The following CEACAM1 variants were observed in gnomAD, a reference collection of about 807,000 sequenced individuals.
The protein encoded by CEACAM1 is cell adhesion molecule CEACAM1.
A neutral mutation model predicts 49.1 loss-of-function variants in CEACAM1; 31 were observed. The observed-to-expected ratio is 0.63, with a 90% CI of 0.47 to 0.85. CEACAM1 has a LOEUF of 0.85. CEACAM1 is among the 40% of genes least tolerant of loss of function. The pLI is 0.00. For missense variants in CEACAM1, 570 were observed against 645.3 expected (o/e 0.88, Z 1.26); for synonymous variants, 244 against 247.8 (o/e 0.98, Z 0.14).
intron 2 of CEACAM1, among the ~76,000 whole-genome samples, chr19:42,524,733 C>G (rs28425201): frequency 0.091 from 13,873 of 152,092 alleles, 2,107 homozygotes; most frequent in African/African-American, 0.31. Flanking sequence ...CATGGAGGAG[C>G]AGAGAGAGTC....
intron 2 of CEACAM1, among the ~76,000 whole-genome samples, chr19:42,524,732 G>A (rs892835428): frequency 3.3e-5 from 5 of 152,178 alleles, no homozygotes; most frequent in Admixed American, 6.5e-5. Context: ...ACATGGAGGA[G>A]CAGAGAGAGT....
In CEACAM1 at chr19:42,510,879, C is replaced by G. The variant is rs749172222; in HGVS notation, c.1461+10G>C. The stretch of plus-strand genomic sequence containing the variant: ...GAGAAAATAAGCCCATGAAAACCGG[C>G]TATGCTTACCTTGTTAGGTGGGTCA... On this transcript the variant is annotated intron_variant, in intron 8 of 8. Coordinates refer to ENST00000161559, the MANE Select transcript of CEACAM1 (RefSeq NM_001712.5). 6.2e-7 allele frequency: 1 copy of G among 1,611,784 alleles called. No individual in the cohort carries two copies. Among genetic ancestry groups the G allele is most frequent in the South Asian group, 1.1e-5 (1 of 91,030 alleles).
rs1286543337 is a variant in CEACAM1 at position 42,509,148 on chromosome 19, T to C, written c.1542A>G (p.Thr514=). 6.2e-7 allele frequency: 1 copy of C among 1,614,206 alleles called. No individual in the cohort carries two copies. Among genetic ancestry groups the C allele is most frequent in the Admixed American group, 1.7e-5 (1 of 60,028 alleles). Residue 514 remains threonine (T), a synonymous_variant, in exon 9 of 9, where the codon ACA becomes ACG. Coordinates refer to ENST00000161559, the MANE Select transcript of CEACAM1 (RefSeq NM_001712.5). ...CTTCTGAATAAATTATTTCTGTGGC[T>C]GTTAGGGATGGGGAGGCTGAAGTTG... ...TQPTSASPSL[T]ATEIIYSEVK... is the part of the protein sequence containing the mutation.
In CEACAM1 at chr19:42,509,250, C is replaced by A. The variant is rs752735548; in HGVS notation, c.1462-22G>T. ...TCATCTGAAAAGCACAAATAATGAT[C>A]AGTTAAGTCAGTGACACAGGGCAGG... On this transcript the variant is annotated intron_variant, in intron 8 of 8. Coordinates refer to ENST00000161559, the MANE Select transcript of CEACAM1 (RefSeq NM_001712.5). 6 of 1,588,502 alleles carry A rather than the reference C, an allele frequency of 3.8e-6. No individual in the cohort carries two copies. The South Asian group carries it at 5.9e-5, about 16-fold the overall frequency.
intron 7 of CEACAM1, 86 bp from the exon 8 acceptor site, chr19:42,511,006 G>T: frequency 7.8e-7 from 1 of 1,275,146 alleles, no homozygotes; most frequent in Non-Finnish European, 1.1e-6. Flanking sequence ...GGCAGTTGGA[G>T]GGTGGGGAGT....
intron 5 of CEACAM1, chr19:42,515,212 G>A: frequency 2.0e-6 from 1 of 507,652 alleles, no homozygotes; most frequent in East Asian, 3.3e-5. Flanking sequence ...GCAGTGAGCT[G>A]TGTTTGCACC....
intron 2 of CEACAM1, among the ~76,000 whole-genome samples, chr19:42,524,085 G>T (rs550977999): frequency 6.6e-6 from 1 of 152,336 alleles, no homozygotes; most frequent in East Asian, 1.9e-4. Flanking sequence ...CATGTGAAAT[G>T]CTTTCTTCCT....
In CEACAM1 at chr19:42,510,876, C is replaced by T. The variant is rs769784160; in HGVS notation, c.1461+13G>A. 1.4e-5 allele frequency: 23 copies of T among 1,609,534 alleles called. No homozygotes were observed. Among genetic ancestry groups the T allele is most frequent in the East Asian group, 8.9e-5 (4 of 44,870 alleles). On this transcript the variant is annotated intron_variant, in intron 8 of 8. Transcript: ENST00000161559. ...CATGAGAAAATAAGCCCATGAAAACCGGCTATGCTTACCTTGTTAGGTGGG... is the reference window on the plus strand; with the variant it reads ...CATGAGAAAATAAGCCCATGAAAACTGGCTATGCTTACCTTGTTAGGTGGG...
intron 4 of CEACAM1, chr19:42,520,546 T>C (rs1159839399): frequency 1.3e-5 from 2 of 152,218 alleles, no homozygotes; most frequent in African/African-American, 2.4e-5. Flanking sequence ...TTTTTTGTAT[T>C]TTTAGTAGAG....
intron 2 of CEACAM1, 54 bp from the exon 3 acceptor site, chr19:42,522,256 C>T (rs1395354973): frequency 1.3e-6 from 2 of 1,584,122 alleles, no homozygotes; most frequent in Non-Finnish European, 1.7e-6. Context: ...GATTCCTCCA[C>T]AGGCATTTTT....
At position 42,512,363 on chromosome 19, in the gene CEACAM1, C is replaced by A; in HGVS notation, c.1363G>T (p.Gly455Trp). 1 of 1,614,014 alleles carries A rather than the reference C, an allele frequency of 6.2e-7. No homozygotes were observed. ...AGGCCATCATACCTGCCGGTCTTCC[C>A]GAAATGCAGAAAACATGCCAGGGCT... ...AVALACFLHF[G>W]KTGRASDQRD... The change falls in exon 6 of 9, where the codon GGG (glycine) becomes TGG (tryptophan). Residue 455 changes from glycine (G) to tryptophan (W), a missense_variant. Gly to Trp is a radical substitution (Grantham distance 184). Transcript: ENST00000161559.
chr19:42,526,441 C>T (rs960887908), intron 2 of CEACAM1, among the ~76,000 whole-genome samples: 3 of 152,180 alleles, frequency 2.0e-5, no homozygotes, highest in Non-Finnish European at 4.4e-5. Flanking sequence ...TCTGTCCTCT[C>T]CAGGCTGAGA....
In CEACAM1 at chr19:42,521,816, G is replaced by T. The variant is rs922087651; in HGVS notation, c.703+108C>A. The T allele has an allele frequency of 1.9e-6, 3 of 1,591,830 alleles. No homozygotes were observed. In the African/African-American group the frequency reaches 4.0e-5, roughly 21 times the overall value. On this transcript the variant is annotated intron_variant, in intron 3 of 8. Transcript: ENST00000161559. ...AAGTCATGGCCAGCCTGGGTGTCCA[G>T]GGTTAAGGGTCTGCGTCCTTAGACC...
rs932415659 is a variant in CEACAM1, at chr19:42,508,989, G to A, written c.*120C>T. The A allele has an allele frequency of 5.9e-6, 7 of 1,178,730 alleles. No homozygotes were observed. The highest frequency in any genetic ancestry group is 8.6e-6 in the Non-Finnish European group (7 of 817,528). 73.0% of individuals were successfully genotyped at this position (1,178,730 alleles called of 1,614,324 possible). Reference sequence around the variant, plus strand: ...CCTGGAGATGCCTATTAGGAAGGAAGAGTAGGAGAAAGTTGTTTCTGTCCC... The same window carrying A: ...CCTGGAGATGCCTATTAGGAAGGAAAAGTAGGAGAAAGTTGTTTCTGTCCC... On this transcript the variant is annotated 3_prime_UTR_variant, in exon 9 of 9. Transcript: ENST00000161559.
intron 2 of CEACAM1, among the ~76,000 whole-genome samples, chr19:42,526,770 C>T (rs529756270): frequency 1.3e-5 from 2 of 152,204 alleles, no homozygotes; most frequent in South Asian, 2.1e-4. Flanking sequence ...AGGAGGGTCC[C>T]GGGGGGCTAG....
intron 2 of CEACAM1, among the ~76,000 whole-genome samples, chr19:42,523,173 C>T (rs977121118): frequency 2.0e-5 from 3 of 152,208 alleles, no homozygotes; most frequent in Admixed American, 6.5e-5. Context: ...CTTTGCCCCA[C>T]TAGGTGTGTT....
At position 42,518,746 on chromosome 19, in the gene CEACAM1, C is replaced by T. The variant is rs558802363; in HGVS notation, c.1246+202G>A. ...CGATCTCCTGCCCTCGTGATCCGCC[C>T]GCCTTGGCCTCCCAAACTGCTGGGA... is the stretch of plus-strand genomic sequence containing the variant. On this transcript the variant is annotated intron_variant, in intron 5 of 8. Transcript: ENST00000161559. 884 of 609,802 alleles carry T rather than the reference C, an allele frequency of 1.4e-3. 8 individuals carry two copies. Among genetic ancestry groups the T allele is most frequent in the African/African-American group, 0.014 (785 of 54,178 alleles). The allele number at this position is 609,802 out of a possible 1,614,324, so 37.8% of individuals were successfully genotyped here.
chr19:42,527,426 C>T (rs749419988), intron 1 of CEACAM1, 26 bp from the exon 2 acceptor site: 80 of 1,565,454 alleles, frequency 5.1e-5, no homozygotes, highest in Non-Finnish European at 6.6e-5. Flanking sequence ...GAGCATCAGT[C>T]AATATTGGGA....
At chr19:42,521,827 C>T in intron 3 of CEACAM1, 97 bp downstream of exon 3, 1 of 1,600,836 alleles carries the variant, frequency 6.2e-7, no homozygotes, top group Non-Finnish European at 8.5e-7. Flanking sequence ...GGTTAAGGGT[C>T]TGCGTCCTTA....
Sources: gnomAD v4.1 joint callset for allele counts (sites outside exome capture counted in the v4.1 genomes callset) on GRCh38, gnomAD v4.1.1 for gene constraint, MANE v1.5 for transcripts, NCBI Gene and HGNC (gene_info 2026-07-23, HGNC 2026-07-21) for gene names.